The following GPM6B variants were observed in gnomAD, a reference collection of about 807,000 sequenced individuals.
The protein encoded by GPM6B is glycoprotein M6B.
A neutral mutation model predicts 27.2 loss-of-function variants in GPM6B; 4 were observed. The ratio of observed to expected loss-of-function variants is 0.15; its 90% CI spans 0.07 to 0.34. The LOEUF (loss-of-function observed/expected upper bound fraction) is 0.34. Ranked by LOEUF, GPM6B falls within the 10% of genes least tolerant of loss-of-function variation. The probability of loss-of-function intolerance (pLI) is 1.00; values close to 1 mark genes in which losing one functional copy is unlikely to be tolerated. For missense variants in GPM6B, 183 were observed against 261.9 expected, an observed-to-expected ratio of 0.70 and a Z score of 2.08; for synonymous variants, 124 against 103.1, an observed-to-expected ratio of 1.20 and a Z score of -1.23.
intron 1 of GPM6B, among the ~76,000 whole-genome samples, chrX:13,825,418 G>A (rs1206373124): frequency 8.9e-6 from 1 of 112,079 alleles, no homozygotes; most frequent in African/African-American, 3.2e-5. Context: ...AACCTTTCAG[G>A]TGCCTCCTAA....
chrX:13,896,820 G>A (rs976185534), intron 1 of GPM6B, among the ~76,000 whole-genome samples: 7 of 111,376 alleles, frequency 6.3e-5, no homozygotes, highest in Admixed American at 1.9e-4. Flanking sequence ...CACCTGCCTC[G>A]GCCTCCCAAA....
In GPM6B at chrX:13,921,930, T is replaced by C. The variant is rs779337255; in HGVS notation, c.-198+16397A>G. On this transcript the variant is annotated intron_variant, in intron 1 of 6. Transcript: ENST00000398361. ...AAGGGGTATTACATGCAGAAATTTC[T>C]AGGGAAGGGGTAGTACCTTTTAGGT... 2.3e-3 allele frequency among the ~76,000 whole-genome samples: 259 copies of C among 111,566 alleles called. 2 individuals are homozygous for C. The highest frequency in any genetic ancestry group is 7.6e-3 in the African/African-American group (234 of 30,725).
At chrX:13,778,013 C>T (rs780579828) in intron 5 of GPM6B, among the ~76,000 whole-genome samples, 4 of 108,562 alleles carry the variant, frequency 3.7e-5, no homozygotes, top group East Asian at 2.8e-4. Flanking sequence ...GTCTTATAAA[C>T]GTATTAGAAA....
At chrX:13,786,319 C>T (rs1226572536) in intron 2 of GPM6B, among the ~76,000 whole-genome samples, 2 of 112,119 alleles carry the variant, frequency 1.8e-5, no homozygotes, top group Non-Finnish European at 3.8e-5. Context: ...CCTGGACCTC[C>T]GGGGCAACTG....
intron 5 of GPM6B, among the ~76,000 whole-genome samples, chrX:13,778,783 ATAACT>A (rs72451348): frequency 0.013 from 1,514 of 112,289 alleles, 22 homozygotes; most frequent in African/African-American, 0.047. Flanking sequence ...TCATTTACAA[ATAACT>A]TTAACAGCCA....
intron 1 of GPM6B, among the ~76,000 whole-genome samples, chrX:13,870,442 T>A (rs1297252697): frequency 8.9e-6 from 1 of 112,398 alleles, no homozygotes; most frequent in Non-Finnish European, 1.9e-5. Flanking sequence ...GAGGGAGGAA[T>A]TCCCCAGGAG....
chrX:13,845,878 AAATT>A (rs2049639798), intron 1 of GPM6B, among the ~76,000 whole-genome samples: 1 of 111,730 alleles, frequency 9.0e-6, no homozygotes, highest in Non-Finnish European at 1.9e-5. Context: ...GTCAACCTCC[AAATT>A]AATTATCCTC....
chrX:13,828,806 A>G (rs1603055390), intron 1 of GPM6B, among the ~76,000 whole-genome samples: 1 of 111,686 alleles, frequency 9.0e-6, no homozygotes, highest in East Asian at 2.8e-4. Flanking sequence ...CACTACTACA[A>G]TAACTTTAAC....
At chrX:13,860,910 A>G (rs2049837546) in intron 1 of GPM6B, among the ~76,000 whole-genome samples, 1 of 108,842 alleles carries the variant, frequency 9.2e-6, no homozygotes, top group Admixed American at 1.0e-4. Flanking sequence ...GAGTTACTTC[A>G]TTTAGAATAA....
chrX:13,881,556 G>A (rs964883586), intron 1 of GPM6B, among the ~76,000 whole-genome samples: 2 of 88,298 alleles, frequency 2.3e-5, no homozygotes, highest in East Asian at 3.7e-4. Context: ...TTTCAGTGAC[G>A]ATGATGATGA....
chrX:13,925,697 T>C (rs986305599), intron 1 of GPM6B, among the ~76,000 whole-genome samples: 1 of 111,001 alleles, frequency 9.0e-6, no homozygotes. Flanking sequence ...AAAATCTAAA[T>C]GTATGAAGAG....
intron 7 of GPM6B, among the ~76,000 whole-genome samples, chrX:13,775,677 A>C (rs1463927412): frequency 8.9e-6 from 1 of 112,084 alleles, no homozygotes; most frequent in Non-Finnish European, 1.9e-5. Context: ...TTTACACAGA[A>C]ACACACGAAA....
chrX:13,788,235 A>G (rs754886684), intron 2 of GPM6B, among the ~76,000 whole-genome samples: 73 of 111,960 alleles, frequency 6.5e-4, no homozygotes, highest in African/African-American at 2.2e-3. Flanking sequence ...TATTTTGTGA[A>G]GACCTACTGG....
At position 13,808,723 on chromosome X, in the gene GPM6B, G is replaced by A. The variant is rs2049070857; in HGVS notation, c.62-954C>T. On this transcript the variant is annotated intron_variant, in intron 1 of 7. Transcript: ENST00000316715. ...GGGTAATGATTCCATCAGAAGATCA[G>A]GTCATAATGCACCATCTGGCAGCTC... Among the ~76,000 whole-genome samples the A allele has an allele frequency of 4.5e-5, 5 of 111,175 alleles. No individual in the cohort carries two copies. The Admixed American group carries it at 4.8e-4, about 11-fold the overall frequency.
At chrX:13,838,855 A>T (rs1194483673) in intron 1 of GPM6B, among the ~76,000 whole-genome samples, 1 of 111,425 alleles carries the variant, frequency 9.0e-6, no homozygotes, top group African/African-American at 3.3e-5. Flanking sequence ...AGCTCTGCCC[A>T]TCCTCCTGTA....
chrX:13,888,156 C>T (rs777783686), intron 1 of GPM6B, among the ~76,000 whole-genome samples: 16 of 112,141 alleles, frequency 1.4e-4, no homozygotes, highest in Middle Eastern at 4.6e-3. Context: ...TAAACACCAA[C>T]GGAAAACGTC....
intron 1 of GPM6B, among the ~76,000 whole-genome samples, chrX:13,931,484 T>TGC (rs1370178840): frequency 1.9e-5 from 2 of 106,196 alleles, no homozygotes; most frequent in African/African-American, 6.9e-5. Flanking sequence ...TGAGACTCCT[T>TGC]CTCAAAAAAA....
chrX:13,774,132 A>C, intron 7 of GPM6B: 1 of 758,064 alleles, frequency 1.3e-6, no homozygotes, highest in Non-Finnish European at 1.6e-6. Flanking sequence ...ATCCAGATTA[A>C]AACGGTTCTC....
chrX:13,843,568 G>A (rs1202315593), intron 1 of GPM6B, among the ~76,000 whole-genome samples: 3 of 112,303 alleles, frequency 2.7e-5, no homozygotes, highest in Non-Finnish European at 3.8e-5. Context: ...CTAGTAGCAT[G>A]TGAGGGTTTC....
Sources: gnomAD v4.1 joint callset for allele counts (sites outside exome capture counted in the v4.1 genomes callset) on GRCh38, gnomAD v4.1.1 for gene constraint, MANE v1.5 for transcripts, NCBI Gene and HGNC (gene_info 2026-07-23, HGNC 2026-07-21) for gene names.